Variants in CACNA1B observed in about 807,000 individuals in gnomAD.
CACNA1B encodes the protein voltage-dependent N-type calcium channel subunit alpha-1B.
Under a neutral mutation model 247.2 loss-of-function variants are expected in CACNA1B, and 70 were observed. That is an observed-to-expected ratio of 0.28 (90% CI 0.23 to 0.35). CACNA1B has a LOEUF of 0.35. Ranked by LOEUF, CACNA1B falls within the 10% of genes least tolerant of loss-of-function variation. CACNA1B has a pLI of 1.00. For synonymous variants in CACNA1B, 1,231 were observed against 1,294.4 expected, an observed-to-expected ratio of 0.95 and a Z score of 1.05; for missense variants, 2,367 against 3,197.4, an observed-to-expected ratio of 0.74 and a Z score of 6.26.
Position 137,990,825 on chromosome 9 carries a change from C to T in CACNA1B, c.1974+3971C>T, listed in dbSNP as rs1175245697. On this transcript the variant is annotated intron_variant, in intron 15 of 46. Coordinates refer to ENST00000371372, the MANE Select transcript of CACNA1B (RefSeq NM_000718.4). This position sits in a 1 kb window ranked among gnomAD's most constrained non-coding sequence, Gnocchi z 4.5. ...ACCAGCCTGAAGCCTGGTAGCTCCA[C>T]TGGGTGGGTAGACCTGCAAGAGCAA... is the stretch of plus-strand genomic sequence containing the variant. Among the ~76,000 whole-genome samples, 1 of 152,230 alleles carries T rather than the reference C, an allele frequency of 6.6e-6. No homozygotes were observed. Among genetic ancestry groups the T allele is most frequent in the Admixed American group, 6.5e-5 (1 of 15,280 alleles).
rs1369298548 is a variant in CACNA1B at position 137,954,160 on chromosome 9, C to T, written c.1071-1538C>T. On this transcript the variant is annotated intron_variant, in intron 7 of 46. Transcript: ENST00000371372. This position sits in a 1 kb window ranked among gnomAD's most constrained non-coding sequence, Gnocchi z 4.1. ...GCAGCTGAACCCTCCCTCAGGCCCACAGGCCCAGCAGAGGGCCCCCAAGCC... is the reference window on the plus strand; with the variant it reads ...GCAGCTGAACCCTCCCTCAGGCCCATAGGCCCAGCAGAGGGCCCCCAAGCC... Among the ~76,000 whole-genome samples, 1 of 152,188 alleles carries T rather than the reference C, an allele frequency of 6.6e-6. No homozygotes were observed. The highest frequency in any genetic ancestry group is 2.4e-5 in the African/African-American group (1 of 41,450).
In CACNA1B at chr9:137,927,169, C is replaced by T. The variant is rs1302809228; in HGVS notation, c.966+9738C>T. Among the ~76,000 whole-genome samples the T allele has an allele frequency of 4.0e-5, 6 of 151,620 alleles. No individual in the cohort carries two copies. The East Asian group carries it at 1.2e-3, about 29-fold the overall frequency. On this transcript the variant is annotated intron_variant, in intron 6 of 46. Coordinates refer to ENST00000371372, the MANE Select transcript of CACNA1B (RefSeq NM_000718.4). ...TTTAAGAGTTTTACTTTTTTTAGGT[C>T]TCACATTCAGGTCTTTGATCCATTT...
At chr9:137,946,917 T>A (rs1957803911) in intron 6 of CACNA1B, among the ~76,000 whole-genome samples, 1 of 152,246 alleles carries the variant, frequency 6.6e-6, no homozygotes, top group Non-Finnish European at 1.5e-5. Flanking sequence ...ATCCAGGTTC[T>A]TGGCATTTTG....
chr9:137,951,550 C>T (rs901442809), intron 6 of CACNA1B, among the ~76,000 whole-genome samples: 2 of 152,224 alleles, frequency 1.3e-5, no homozygotes, highest in African/African-American at 4.8e-5. Context: ...CAGCACCAGA[C>T]TTGCAGGGAG....
rs192137925 is a variant in CACNA1B at position 138,073,349 on chromosome 9, G to A, written c.4675-139G>A. The A allele has an allele frequency of 9.8e-6, 6 of 615,274 alleles. No homozygotes were observed. The highest frequency in any genetic ancestry group is 1.8e-5 in the African/African-American group (1 of 54,222). The allele number at this position is 615,274 out of a possible 1,614,324, so 38.1% of individuals were successfully genotyped here. A position where few individuals can be genotyped will look rare whatever the true frequency, so the allele number is the denominator to read the frequency against. On this transcript the variant is annotated intron_variant, in intron 32 of 46. Transcript: ENST00000371372. This position sits in a 1 kb window ranked among gnomAD's most constrained non-coding sequence, Gnocchi z 6.4. ...GGCCGATTGCTGCTTAGACTGTGAA[G>A]CAGAGACCTTTGATTTTAATCTTTT...
Position 138,049,278 on chromosome 9 carries a change from A to T in CACNA1B, c.3673A>T (p.Ile1225Phe). Residue 1225 changes from isoleucine (I) to phenylalanine (F), a missense_variant, in exon 24 of 47, where the codon ATT (isoleucine) becomes TTT (phenylalanine). This residue lies in a region of CACNA1B where 436 missense variants were observed against 679.5 expected (regional missense o/e 0.64). Coordinates refer to ENST00000371372, the MANE Select transcript of CACNA1B (RefSeq NM_000718.4). ...GGACTTGTGGAACATTCTGGACTTC[A>T]TTGTGGTCAGTGGCGCCCTGGTGGC... is the stretch of plus-strand genomic sequence containing the variant. Reference protein sequence around the residue: ...FRDLWNILDFIVVSGALVAFA... With the variant: ...FRDLWNILDFFVVSGALVAFA... 6.2e-7 allele frequency: 1 copy of T among 1,613,558 alleles called. No individual in the cohort carries two copies. Among genetic ancestry groups the T allele is most frequent in the Non-Finnish European group, 8.5e-7 (1 of 1,179,490 alleles).
At position 137,950,016 on chromosome 9, in the gene CACNA1B, C is replaced by T. The variant is rs570176957; in HGVS notation, c.967-2258C>T. Among the ~76,000 whole-genome samples, 18 of 152,268 alleles carry T rather than the reference C, an allele frequency of 1.2e-4. No individual in the cohort carries two copies. Among genetic ancestry groups the T allele is most frequent in the African/African-American group, 3.1e-4 (13 of 41,556 alleles). On this transcript the variant is annotated intron_variant, in intron 6 of 46. Transcript: ENST00000371372. The surrounding 1 kb of genome is among the most constrained non-coding windows in gnomAD (Gnocchi z 4.8). ...TGAAAACTGGCCATTTTTGGCCTTT[C>T]AGCATGGGACCTTGGATCTCAGTTA...
chr9:138,056,665 TAA>T (rs1959509786), intron 26 of CACNA1B, among the ~76,000 whole-genome samples: 1 of 152,260 alleles, frequency 6.6e-6, no homozygotes, highest in African/African-American at 2.4e-5. Flanking sequence ...CCAAAGTGGC[TAA>T]AGCATTGTAT....
intron 6 of CACNA1B, among the ~76,000 whole-genome samples, chr9:137,929,598 A>C (rs577585831): frequency 2.0e-5 from 3 of 152,244 alleles, no homozygotes; most frequent in African/African-American, 7.2e-5. Flanking sequence ...AATTTTCACC[A>C]TCTTAGTGGG....
chr9:137,977,713 G>GC (rs1272997669), intron 12 of CACNA1B, among the ~76,000 whole-genome samples: 4 of 152,102 alleles, frequency 2.6e-5, no homozygotes, highest in Non-Finnish European at 5.9e-5. Context: ...TGGGCACGCC[G>GC]CCCCCTGAGG....
intron 44 of CACNA1B, among the ~76,000 whole-genome samples, 184 bp from the exon 45 acceptor site, chr9:138,119,981 G>A (rs572218592): frequency 6.6e-6 from 1 of 152,260 alleles, no homozygotes; most frequent in Non-Finnish European, 1.5e-5. Flanking sequence ...GGGGACTCAG[G>A]CACTGTCTGC....
chr9:137,967,407 AGGCTCCCCTATGCCCAGG>A (rs1463528538), intron 10 of CACNA1B, among the ~76,000 whole-genome samples: 1 of 152,062 alleles, frequency 6.6e-6, no homozygotes. Flanking sequence ...CTGCCCCCAC[AGGCTCCCCTATGCCCAGG>A]GGCCCTCAGC....
Position 137,986,400 on chromosome 9 carries a change from C to T in CACNA1B, c.1770-13C>T, listed in dbSNP as rs1236105866. On this transcript the variant is annotated splice_polypyrimidine_tract_variant and intron_variant, in intron 13 of 46. Transcript: ENST00000371372. This position sits in a 1 kb window ranked among gnomAD's most constrained non-coding sequence, Gnocchi z 6.0. ...GTCTGGAGCTGGCTCAGACCCCCTGCCTGGCCCCGCAGGTACTGGAGCTCC... is the reference window on the plus strand; with the variant it reads ...GTCTGGAGCTGGCTCAGACCCCCTGTCTGGCCCCGCAGGTACTGGAGCTCC... 1.2e-6 allele frequency: 2 copies of T among 1,613,346 alleles called. No homozygotes were observed. Among genetic ancestry groups the T allele is most frequent in the South Asian group, 2.2e-5 (2 of 90,904 alleles).
chr9:138,098,644 G>C (rs1426870377), intron 37 of CACNA1B, among the ~76,000 whole-genome samples: 1 of 152,160 alleles, frequency 6.6e-6, no homozygotes, highest in Non-Finnish European at 1.5e-5. Flanking sequence ...ATGGCAGCTT[G>C]GTTACCATGC....
chr9:138,118,807 A>C, intron 44 of CACNA1B, 39 bp downstream of exon 44: 1 of 901,134 alleles, frequency 1.1e-6, no homozygotes, highest in Non-Finnish European at 1.7e-6. Context: ...GGGCTGGGCA[A>C]GTGGGGGGTG....
At chr9:138,044,548 G>A (rs574281960) in intron 21 of CACNA1B, among the ~76,000 whole-genome samples, 2 of 152,368 alleles carry the variant, frequency 1.3e-5, no homozygotes, top group East Asian at 1.9e-4. Context: ...ATGGAGATGC[G>A]GACCATTGGG....
rs78740496 is a variant in CACNA1B at position 137,980,959 on chromosome 9, G to T, written c.1657-3179G>T. Among the ~76,000 whole-genome samples, 7 of 152,318 alleles carry T rather than the reference G, an allele frequency of 4.6e-5. No homozygotes were observed. The East Asian group carries it at 1.2e-3, about 25-fold the overall frequency. ...CTGCTGTTGTGAATAGTGCTGTGGT[G>T]AACAAATGCATGTGTCTTTTTGGTA... On this transcript the variant is annotated intron_variant, in intron 12 of 46. Coordinates refer to ENST00000371372, the MANE Select transcript of CACNA1B (RefSeq NM_000718.4).
In CACNA1B at chr9:137,955,823, C is replaced by A. The variant is rs199867202; in HGVS notation, c.1186+10C>A. ...TGGATCTTCAAGGCGGGTGAGGGCC[C>A]GTGGGAGCCACTGCACTCCTGGCCG... is the stretch of plus-strand genomic sequence containing the variant. On this transcript the variant is annotated intron_variant, in intron 8 of 46. Coordinates refer to ENST00000371372, the MANE Select transcript of CACNA1B (RefSeq NM_000718.4). The surrounding 1 kb of genome is among the most constrained non-coding windows in gnomAD (Gnocchi z 6.9). 1.9e-6 allele frequency: 3 copies of A among 1,541,028 alleles called. No homozygotes were observed. The highest frequency in any genetic ancestry group is 1.8e-6 in the Non-Finnish European group (2 of 1,123,616).
Position 138,043,779 on chromosome 9 carries a change from A to C in CACNA1B, c.3292A>C (p.Asn1098His), listed in dbSNP as rs922353223. The change falls in exon 21 of 47, where the codon AAC becomes CAC. Residue 1098 changes from asparagine to histidine, a missense_variant. Physicochemically the swap from Asn to His is moderately conservative, Grantham distance 68 (BLOSUM62 1). Transcript: ENST00000371372. ...GGGGCCCTGTGTCCTTGTAGGTGGT[A>C]ACGTGGACCTGGAAAGCCAAGCAGA... ...LGEATVVPSG[N>H]VDLESQAEGK... The C allele has an allele frequency of 1.9e-6, 3 of 1,613,774 alleles. No homozygotes were observed. The highest frequency in any genetic ancestry group is 2.5e-6 in the Non-Finnish European group (3 of 1,179,852).
Sources: allele counts gnomAD v4.1 joint callset (sites outside exome capture counted in the v4.1 genomes callset), GRCh38; gene constraint gnomAD v4.1.1; regional missense constraint gnomAD v4.1.1; non-coding constraint Gnocchi (gnomAD v3.1); transcripts MANE v1.5; gene names NCBI Gene and HGNC (gene_info 2026-07-23, HGNC 2026-07-21).